Variants in ZIM2 observed in about 807,000 individuals in gnomAD.
ZIM2 encodes the protein zinc finger protein 656.
In ZIM2, 14 loss-of-function variants were observed where a neutral mutation model predicts 38.6. The ratio of observed to expected loss-of-function variants is 0.36; its 90% CI spans 0.24 to 0.57. ZIM2 has a LOEUF of 0.57. Among genes scored for constraint, ZIM2 ranks in the 20% least tolerant of loss-of-function variants. The pLI, the probability that ZIM2 is intolerant of heterozygous loss-of-function variation, is 0.81. For missense variants in ZIM2, 680 were observed against 695.1 expected, an observed-to-expected ratio of 0.98 and a Z score of 0.24; for synonymous variants, 247 against 245.8, an observed-to-expected ratio of 1.00 and a Z score of -0.04.
chr19:56,778,261 A>G (rs911950596), intron 12 of ZIM2, among the ~76,000 whole-genome samples: 2 of 152,260 alleles, frequency 1.3e-5, no homozygotes, highest in Non-Finnish European at 2.9e-5. Flanking sequence ...AAGCCTGATA[A>G]ATATCTATGA....
intron 10 of ZIM2, among the ~76,000 whole-genome samples, chr19:56,783,587 A>G (rs1484018061): frequency 6.6e-6 from 1 of 152,170 alleles, no homozygotes; most frequent in African/African-American, 2.4e-5. Flanking sequence ...AAAACCAAAT[A>G]CCACGTGTTC....
At chr19:56,800,214 C>CT (rs1455048352) in intron 9 of ZIM2, among the ~76,000 whole-genome samples, 1 of 151,726 alleles carries the variant, frequency 6.6e-6, no homozygotes, top group African/African-American at 2.4e-5. Flanking sequence ...AAAAAGAATC[C>CT]TTAAAAAAAT....
rs556785799 is a variant in ZIM2 at position 56,794,774 on chromosome 19, C to A, written c.491-4823G>T. Among the ~76,000 whole-genome samples, 3 of 152,304 alleles carry A rather than the reference C, an allele frequency of 2.0e-5. No individual in the cohort carries two copies. The East Asian group carries it at 5.8e-4, about 29-fold the overall frequency. ...CCTAGTTTAATGCTTTACTGTCACT[C>A]TCTTGAAATTTTTCACAATTTTTTG... On this transcript the variant is annotated intron_variant, in intron 9 of 12. Transcript: ENST00000629319.
intron 9 of ZIM2, among the ~76,000 whole-genome samples, chr19:56,808,292 T>A (rs1291478421): frequency 6.6e-6 from 1 of 152,164 alleles, no homozygotes; most frequent in African/African-American, 2.4e-5. Context: ...GAAGAAACCA[T>A]GCAATTATCA....
chr19:56,800,917 G>T (rs1051863174), intron 9 of ZIM2, among the ~76,000 whole-genome samples: 2 of 150,618 alleles, frequency 1.3e-5, no homozygotes, highest in Non-Finnish European at 3.0e-5. Flanking sequence ...TTAAAACAAG[G>T]TTTCTTGATG....
rs1445970877 is a variant in ZIM2 at position 56,818,610 on chromosome 19, C to A, written c.387G>T (p.Leu129=). 1.2e-6 allele frequency: 2 copies of A among 1,613,976 alleles called. No homozygotes were observed. Among genetic ancestry groups the A allele is most frequent in the East Asian group, 2.2e-5 (1 of 44,886 alleles). The part of the protein sequence containing the change: ...IQDNMENYRK[L]LSLGVQLAED... ...GAAGCAGCTGCTTACCGAGGGAGAG[C>A]AGCTTCCTGTAGTTTTCCATGTTGT... Residue 129 remains leucine (L), a synonymous_variant, in exon 8 of 13, where the codon CTG becomes CTT. Coordinates refer to ENST00000629319, the MANE Select transcript of ZIM2 (RefSeq NM_001387356.1).
chr19:56,836,895 G>C (rs1332396952), intron 1 of ZIM2, among the ~76,000 whole-genome samples: 1 of 150,708 alleles, frequency 6.6e-6, no homozygotes, highest in South Asian at 2.1e-4. Flanking sequence ...ACTTGAACCC[G>C]GGAGGCAGAG....
chr19:56,803,594 GGA>G (rs1436245004), intron 9 of ZIM2, among the ~76,000 whole-genome samples: 1 of 152,230 alleles, frequency 6.6e-6, no homozygotes, highest in Non-Finnish European at 1.5e-5. Context: ...CTATTTGGAA[GGA>G]AAGGGGCAGG....
At chr19:56,798,255 T>TA (rs1252148351) in intron 9 of ZIM2, 5 of 152,200 alleles carry the variant, frequency 3.3e-5, no homozygotes, top group Non-Finnish European at 7.3e-5. Flanking sequence ...CAGCTATCTT[T>TA]ATACAATGGT....
chr19:56,813,996 A>G (rs200211103), intron 9 of ZIM2: 2 of 1,613,664 alleles, frequency 1.2e-6, no homozygotes, highest in African/African-American at 2.7e-5. Context: ...CCACACCGTC[A>G]GGCTCGTCGG....
chr19:56,830,538 G>GT, intron 2 of ZIM2, among the ~76,000 whole-genome samples: 1 of 152,192 alleles, frequency 6.6e-6, no homozygotes, highest in Non-Finnish European at 1.5e-5. Flanking sequence ...GGACAAGGAA[G>GT]GGACAGCTAT....
rs190257251 is a variant in ZIM2, at chr19:56,788,724, A to C, written c.570+1148T>G. ...TGCTAGGTTGGGGAAGTTCTCCTGG[A>C]TAATATCCTGAAGAGTGTTTTCCAA... On this transcript the variant is annotated intron_variant, in intron 10 of 12. Coordinates refer to ENST00000629319, the MANE Select transcript of ZIM2 (RefSeq NM_001387356.1). Among the ~76,000 whole-genome samples the C allele has an allele frequency of 2.1e-3, 320 of 152,176 alleles. 2 individuals are homozygous for C. The highest frequency in any genetic ancestry group is 7.2e-3 in the African/African-American group (299 of 41,510).
chr19:56,790,925 C>G (rs1343322624), intron 9 of ZIM2: 1 of 152,022 alleles, frequency 6.6e-6, no homozygotes, highest in East Asian at 1.9e-4. Flanking sequence ...ACATATTTTT[C>G]ACTCGTTGAT....
In ZIM2 at chr19:56,818,678, C is replaced by T; in HGVS notation, c.319G>A (p.Val107Met). ...GGTTTCCTGTCCTCAGCGAGGTCCA[C>T]CACATTTTGGTATGATTCAGCATCC... ...SQDAESYQNV[V>M]DLAEDRKPHN... The change falls in exon 8 of 13, where the codon GTG (valine) becomes ATG (methionine). Residue 107 changes from valine to methionine, a missense_variant. Transcript: ENST00000629319. The T allele has an allele frequency of 6.2e-7, 1 of 1,614,162 alleles. No individual in the cohort carries two copies. The highest frequency in any genetic ancestry group is 2.2e-5 in the East Asian group (1 of 44,876).
At chr19:56,810,049 A>G (rs997752576) in intron 9 of ZIM2, 1 of 622,794 alleles carries the variant, frequency 1.6e-6, no homozygotes, top group Non-Finnish European at 2.0e-6. Flanking sequence ...TTAAAGCCCC[A>G]AAAACAAAAC....
intron 7 of ZIM2, 113 bp downstream of exon 7, chr19:56,821,538 C>T: frequency 7.6e-7 from 1 of 1,319,930 alleles, no homozygotes; most frequent in Non-Finnish European, 1.0e-6. Flanking sequence ...CGCTGGGACT[C>T]TCACCCCAGC....
intron 10 of ZIM2, among the ~76,000 whole-genome samples, chr19:56,783,462 A>C (rs942904179): frequency 2.0e-5 from 3 of 152,230 alleles, no homozygotes; most frequent in Admixed American, 6.5e-5. Context: ...ACACCATTGA[A>C]TACTATGCAG....
At chr19:56,780,499 C>T (rs539159218) in intron 11 of ZIM2, among the ~76,000 whole-genome samples, 1 of 152,284 alleles carries the variant, frequency 6.6e-6, no homozygotes, top group South Asian at 2.1e-4. Context: ...CTGCCTCAGC[C>T]TCCCAAAGTG....
chr19:56,819,804 T>C (rs1422445647), intron 7 of ZIM2, among the ~76,000 whole-genome samples: 1 of 152,164 alleles, frequency 6.6e-6, no homozygotes, highest in Non-Finnish European at 1.5e-5. Flanking sequence ...ATATTAAATC[T>C]ACCATAGTTC....
Sources: allele counts gnomAD v4.1 joint callset (sites outside exome capture counted in the v4.1 genomes callset), GRCh38; gene constraint gnomAD v4.1.1; transcripts MANE v1.5; gene names NCBI Gene and HGNC (gene_info 2026-07-23, HGNC 2026-07-21).